Variants in ADAMTSL1 observed in about 807,000 individuals in gnomAD.
The protein encoded by ADAMTSL1 is ADAMTS like 1.
In ADAMTSL1, 126 loss-of-function variants were observed where a neutral mutation model predicts 201.8. The ratio of observed to expected loss-of-function variants is 0.62; its 90% confidence interval spans 0.54 to 0.72. The LOEUF is 0.72. Among genes scored for constraint, ADAMTSL1 ranks in the 30% least tolerant of loss-of-function variants. The probability of loss-of-function intolerance (pLI) is 0.00; values close to 1 mark genes in which losing one functional copy is unlikely to be tolerated. For missense variants in ADAMTSL1, 2,679 were observed against 2,277.8 expected, an observed-to-expected ratio of 1.18 and a Z score of -3.59; for synonymous variants, 1,121 against 903.4, an observed-to-expected ratio of 1.24 and a Z score of -4.32.
At chr9:18,234,048 C>A (rs1027191581) in intron 2 of ADAMTSL1, among the ~76,000 whole-genome samples, 1 of 152,186 alleles carries the variant, frequency 6.6e-6, no homozygotes, top group Non-Finnish European at 1.5e-5. Flanking sequence ...GGTGGCCAGG[C>A]AGATGGAGAG....
At chr9:18,349,343 C>A (rs183772628) in intron 2 of ADAMTSL1, among the ~76,000 whole-genome samples, 1 of 152,224 alleles carries the variant, frequency 6.6e-6, no homozygotes, top group Non-Finnish European at 1.5e-5. Context: ...TTAAATGACT[C>A]CCCAGAACAC....
chr9:18,005,861 T>G (rs73418850), intron 1 of ADAMTSL1, among the ~76,000 whole-genome samples: 22 of 152,126 alleles, frequency 1.4e-4, no homozygotes, highest in African/African-American at 5.1e-4. Flanking sequence ...CAGAATGCAT[T>G]GCTTCCTGGT....
chr9:18,603,737 A>G (rs1263840468), intron 4 of ADAMTSL1, among the ~76,000 whole-genome samples: 1 of 151,994 alleles, frequency 6.6e-6, no homozygotes, highest in East Asian at 1.9e-4. Context: ...TACCATTTGA[A>G]CCCTTTTAAG....
At chr9:17,997,157 C>G (rs1008233973) in intron 1 of ADAMTSL1, among the ~76,000 whole-genome samples, 5 of 151,990 alleles carry the variant, frequency 3.3e-5, no homozygotes, top group African/African-American at 9.7e-5. Flanking sequence ...CAGTTTGGAG[C>G]CTAACTGAAA....
chr9:18,180,367 A>G (rs976817299), intron 2 of ADAMTSL1, among the ~76,000 whole-genome samples: 10 of 151,864 alleles, frequency 6.6e-5, no homozygotes, highest in African/African-American at 2.4e-4. Flanking sequence ...CCCCGTCTCT[A>G]CTAAAAATAC....
intron 2 of ADAMTSL1, among the ~76,000 whole-genome samples, chr9:18,214,605 A>G (rs544266409): frequency 5.9e-5 from 9 of 152,350 alleles, no homozygotes; most frequent in African/African-American, 2.2e-4. Flanking sequence ...GAAAGAATTG[A>G]TAATAGTCTT....
intron 1 of ADAMTSL1, among the ~76,000 whole-genome samples, chr9:18,074,521 TTTCTTTTCTTTTCTTCTCTC>T (rs1823118033): frequency 1.4e-5 from 2 of 141,474 alleles, no homozygotes; most frequent in African/African-American, 5.6e-5. Flanking sequence ...CTTCTTTTCT[TTTCTTTTCTTTTCTTCTCTC>T]TTCTTTTCTC....
intron 4 of ADAMTSL1, among the ~76,000 whole-genome samples, chr9:18,620,793 T>A (rs1484389915): frequency 6.6e-6 from 1 of 152,158 alleles, no homozygotes; most frequent in Non-Finnish European, 1.5e-5. Flanking sequence ...TTTCCTGACA[T>A]CTTTGCATTT....
intron 2 of ADAMTSL1, among the ~76,000 whole-genome samples, chr9:18,410,982 C>G (rs1231662612): frequency 2.0e-5 from 3 of 151,060 alleles, no homozygotes; most frequent in African/African-American, 7.3e-5. Flanking sequence ...TCTGGGACTA[C>G]AGGCGCACAC....
intron 2 of ADAMTSL1, among the ~76,000 whole-genome samples, chr9:18,294,026 A>G (rs936545453): frequency 6.6e-6 from 1 of 152,232 alleles, no homozygotes; most frequent in Non-Finnish European, 1.5e-5. Context: ...CCATGAATCT[A>G]AGTTGTCATC....
intron 3 of ADAMTSL1, among the ~76,000 whole-genome samples, chr9:18,535,666 C>T (rs976115028): frequency 2.6e-5 from 4 of 152,144 alleles, no homozygotes. Flanking sequence ...TTAATTGACT[C>T]ACAGCTCTTC....
chr9:18,411,459 A>G (rs1818440499), intron 2 of ADAMTSL1, among the ~76,000 whole-genome samples: 2 of 152,152 alleles, frequency 1.3e-5, no homozygotes, highest in Admixed American at 1.3e-4. Context: ...TTGGCTTCCC[A>G]AAGTGCTAGG....
At position 17,934,116 on chromosome 9, in the gene ADAMTSL1, G is replaced by A. The variant is rs78429302; in HGVS notation, c.87+27194G>A. On this transcript the variant is annotated intron_variant, in intron 1 of 29. Transcript: ENST00000680146. Reference sequence around the variant, plus strand: ...ATTTTACATGTTGTTTGGGACTGAGGACAAGGCACTATCACCATTGAAACT... The same window carrying A: ...ATTTTACATGTTGTTTGGGACTGAGAACAAGGCACTATCACCATTGAAACT... Among the ~76,000 whole-genome samples the A allele has an allele frequency of 4.7e-4, 72 of 152,240 alleles. 2 individuals are homozygous for A. The East Asian group carries it at 0.012, about 25-fold the overall frequency.
intron 2 of ADAMTSL1, among the ~76,000 whole-genome samples, chr9:18,508,303 C>T (rs1020357854): frequency 2.0e-5 from 3 of 152,114 alleles, no homozygotes; most frequent in African/African-American, 7.2e-5. Context: ...TGTATCACTT[C>T]ACAAGTTTTA....
At chr9:18,176,009 A>G (rs1049594167) in intron 2 of ADAMTSL1, among the ~76,000 whole-genome samples, 2,033 of 43,892 alleles carry the variant, frequency 0.046, 26 homozygotes, top group Non-Finnish European at 0.1. Context: ...AGGGAAAGCA[A>G]AAAAAAAAAA....
intron 2 of ADAMTSL1, among the ~76,000 whole-genome samples, chr9:18,309,609 C>A (rs1437356008): frequency 6.6e-6 from 1 of 151,894 alleles, no homozygotes; most frequent in Non-Finnish European, 1.5e-5. Flanking sequence ...GAATAAAATA[C>A]CTAGGAGTAC....
At chr9:18,619,385 A>G (rs1825887358) in intron 4 of ADAMTSL1, among the ~76,000 whole-genome samples, 1 of 152,102 alleles carries the variant, frequency 6.6e-6, no homozygotes, top group East Asian at 1.9e-4. Flanking sequence ...GGCATCTTGA[A>G]GAGGAATTGA....
intron 26 of ADAMTSL1, among the ~76,000 whole-genome samples, chr9:18,895,516 A>G (rs1321535317): frequency 6.6e-6 from 1 of 151,172 alleles, no homozygotes. Flanking sequence ...AGACCTGCAG[A>G]CACCTGGGAA....
intron 1 of ADAMTSL1, among the ~76,000 whole-genome samples, chr9:17,927,419 T>A (rs908608871): frequency 5.3e-5 from 8 of 152,048 alleles, no homozygotes; most frequent in African/African-American, 1.9e-4. Flanking sequence ...TATGTGTATA[T>A]ACATGTATAC....
Sources: gnomAD v4.1 joint callset for allele counts (sites outside exome capture counted in the v4.1 genomes callset) on GRCh38, gnomAD v4.1.1 for gene constraint, MANE v1.5 for transcripts, NCBI Gene and HGNC (gene_info 2026-07-23, HGNC 2026-07-21) for gene names.